RBKS: variants seen among roughly 807,000 people sequenced by gnomAD.
RBKS encodes ribokinase.
In RBKS, 33 loss-of-function variants were observed where a neutral mutation model predicts 33.9. The observed-to-expected ratio is 0.97, with a 90% CI of 0.74 to 1.30. The LOEUF (loss-of-function observed/expected upper bound fraction) is 1.30, where lower values mean the gene tolerates loss of function less well. Among genes scored for constraint, RBKS ranks in the 50% most tolerant of loss-of-function variants. The pLI, the probability that RBKS is intolerant of heterozygous loss-of-function variation, is 0.00. For missense variants in RBKS, 361 were observed against 392.6 expected (o/e 0.92, Z 0.68); for synonymous variants, 125 against 143.0 (o/e 0.87, Z 0.90).
chr2:27,848,728 G>A (rs1404351489), intron 2 of RBKS, among the ~76,000 whole-genome samples: 3 of 151,944 alleles, frequency 2.0e-5, no homozygotes, highest in Non-Finnish European at 2.9e-5. Context: ...TGTAGTCCCA[G>A]CTACTCGGGA....
chr2:27,807,508 G>A lies in RBKS; in HGVS notation c.795+20059C>T, dbSNP rs955703726. Among the ~76,000 whole-genome samples, 6 of 152,238 alleles carry A rather than the reference G, an allele frequency of 3.9e-5. No individual in the cohort carries two copies. The South Asian group carries it at 1.2e-3, about 32-fold the overall frequency. ...CGATCCTCCCAACTCAGCCTCCTGA[G>A]TAGCTGGGACTACAGGCATTTGCCA... On this transcript the variant is annotated intron_variant, in intron 7 of 7. Transcript: ENST00000302188.
chr2:27,841,737 C>A (rs979513799), intron 5 of RBKS, among the ~76,000 whole-genome samples: 1 of 151,480 alleles, frequency 6.6e-6, no homozygotes, highest in Non-Finnish European at 1.5e-5. Flanking sequence ...TAAACACACA[C>A]ACACACACAC....
At chr2:27,802,200 G>A (rs1428133704) in intron 7 of RBKS, among the ~76,000 whole-genome samples, 1 of 150,774 alleles carries the variant, frequency 6.6e-6, no homozygotes, top group Non-Finnish European at 1.5e-5. Flanking sequence ...AGAGTGGCAA[G>A]GGGATGGTGC....
chr2:27,873,822 G>T (rs759691453), intron 1 of RBKS, among the ~76,000 whole-genome samples: 1 of 141,874 alleles, frequency 7.0e-6, no homozygotes, highest in African/African-American at 2.7e-5. Flanking sequence ...GATGTATCTG[G>T]GAAACAAACA....
chr2:27,782,355 A>T (rs1449545439), intron 7 of RBKS, among the ~76,000 whole-genome samples: 3 of 151,634 alleles, frequency 2.0e-5, no homozygotes, highest in Admixed American at 6.6e-5. Context: ...ATTTTTAAAA[A>T]TTTTAATTAA....
chr2:27,839,443 TG>T (rs1334041623), intron 5 of RBKS, among the ~76,000 whole-genome samples: 3 of 152,008 alleles, frequency 2.0e-5, no homozygotes, highest in African/African-American at 7.2e-5. Context: ...CATGGCCTGG[TG>T]GGGATGGGGG....
chr2:27,870,997 G>A, intron 1 of RBKS: 1 of 414,480 alleles, frequency 2.4e-6, no homozygotes, highest in Non-Finnish European at 5.0e-6. Context: ...TCTAACAATT[G>A]TGCCTCAATG....
intron 7 of RBKS, among the ~76,000 whole-genome samples, chr2:27,802,997 TA>T (rs1421719546): frequency 6.6e-6 from 1 of 152,134 alleles, no homozygotes; most frequent in Non-Finnish European, 1.5e-5. Flanking sequence ...CTTTTCTCTT[TA>T]AAAAATATTT....
chr2:27,868,645 G>A (rs919585104), intron 1 of RBKS, among the ~76,000 whole-genome samples: 1 of 152,162 alleles, frequency 6.6e-6, no homozygotes, highest in Non-Finnish European at 1.5e-5. Context: ...ACCACTTCTT[G>A]TTTTGAGTGT....
At chr2:27,851,522 C>A (rs1663744258) in intron 2 of RBKS, among the ~76,000 whole-genome samples, 1 of 149,866 alleles carries the variant, frequency 6.7e-6, no homozygotes, top group African/African-American at 2.5e-5. Flanking sequence ...ATGTTCCATT[C>A]TTTTTTTTTT....
Position 27,781,600 on chromosome 2 carries a change from TG to T in RBKS, c.*14del. On this transcript the variant is annotated 3_prime_UTR_variant, in exon 8 of 8. Transcript: ENST00000302188. ...ATTTTATTCCCAGGTATATTTATTTTGGGACTAATAGCAATCAAAACAGAGT... is the reference window on the plus strand; with the variant it reads ...ATTTTATTCCCAGGTATATTTATTTTGGACTAATAGCAATCAAAACAGAGT... 6.3e-7 allele frequency: 1 copy of T among 1,586,746 alleles called. No individual in the cohort carries two copies. The highest frequency in any genetic ancestry group is 8.6e-7 in the Non-Finnish European group (1 of 1,164,926).
At chr2:27,868,058 A>G (rs1664134856) in intron 1 of RBKS, among the ~76,000 whole-genome samples, 1 of 152,248 alleles carries the variant, frequency 6.6e-6, no homozygotes, top group Non-Finnish European at 1.5e-5. Flanking sequence ...TAATTATAGT[A>G]AATTTTAAAT....
In RBKS at chr2:27,890,386, G is replaced by A. The variant is rs1447532206; in HGVS notation, c.-41C>T. The A allele has an allele frequency of 1.3e-6, 2 of 1,574,950 alleles. No homozygotes were observed. The highest frequency in any genetic ancestry group is 1.7e-6 in the Non-Finnish European group (2 of 1,158,658). On this transcript the variant is annotated 5_prime_UTR_variant, in exon 1 of 8. Coordinates refer to ENST00000302188, the MANE Select transcript of RBKS (RefSeq NM_022128.3). This position sits in a 1 kb window ranked among gnomAD's most constrained non-coding sequence, Gnocchi z 4.8. Reference sequence around the variant, plus strand: ...CTGTCCAACCTGGACGGTGACCTCTGCCCTTTGCCCGACCCCGTAACCAGA... The same window carrying A: ...CTGTCCAACCTGGACGGTGACCTCTACCCTTTGCCCGACCCCGTAACCAGA...
intron 2 of RBKS, among the ~76,000 whole-genome samples, chr2:27,851,235 A>C (rs1663740246): frequency 6.6e-6 from 1 of 152,196 alleles, no homozygotes; most frequent in Admixed American, 6.5e-5. Flanking sequence ...CTGAGAACTT[A>C]GAAGTCCTTT....
At chr2:27,878,987 A>G (rs1664369721) in intron 1 of RBKS, among the ~76,000 whole-genome samples, 2 of 152,288 alleles carry the variant, frequency 1.3e-5, no homozygotes, top group Admixed American at 1.3e-4. Context: ...ACCACTGTAT[A>G]TCCTGATGTT....
chr2:27,814,940 C>T (rs1266863546), intron 7 of RBKS, among the ~76,000 whole-genome samples: 4 of 152,116 alleles, frequency 2.6e-5, no homozygotes, highest in East Asian at 1.9e-4. Flanking sequence ...CACACACACA[C>T]GTACACATAA....
chr2:27,870,736 C>G, intron 1 of RBKS: 2 of 458,730 alleles, frequency 4.4e-6, no homozygotes, highest in Non-Finnish European at 8.8e-6. Context: ...CAGAAGCTGT[C>G]CAGCCATGGC....
chr2:27,870,991 A>T, intron 1 of RBKS: 1 of 422,186 alleles, frequency 2.4e-6, no homozygotes, highest in South Asian at 1.7e-5. Context: ...ATCCACTCTA[A>T]CAATTGTGCC....
chr2:27,820,651 A>G (rs1172193518), intron 7 of RBKS, among the ~76,000 whole-genome samples: 2 of 151,816 alleles, frequency 1.3e-5, no homozygotes, highest in Non-Finnish European at 2.9e-5. Context: ...GCCTCAAGCA[A>G]TCCTCCTGCC....
Sources: allele counts gnomAD v4.1 joint callset (sites outside exome capture counted in the v4.1 genomes callset), GRCh38; gene constraint gnomAD v4.1.1; non-coding constraint Gnocchi (gnomAD v3.1); transcripts MANE v1.5; gene names NCBI Gene and HGNC (gene_info 2026-07-23, HGNC 2026-07-21).